Variants in ASTN2 observed in about 807,000 individuals in gnomAD.
ASTN2 encodes the protein astrotactin 2, also known as astrotactin-2.
In ASTN2, 54 loss-of-function variants were observed where a neutral mutation model predicts 139.8. That is an observed-to-expected ratio of 0.39 (90% CI 0.31 to 0.48). The LOEUF (loss-of-function observed/expected upper bound fraction) is 0.48, where lower values mean the gene tolerates loss of function less well. Among genes scored for constraint, ASTN2 ranks in the 20% least tolerant of loss-of-function variants. ASTN2 has a pLI of 0.95. For synonymous variants in ASTN2, 756 were observed against 719.5 expected (o/e 1.05, Z -0.81); for missense variants, 1,565 against 1,725.1 (o/e 0.91, Z 1.64).
At chr9:117,098,177 G>A (rs905576794) in intron 4 of ASTN2, among the ~76,000 whole-genome samples, 2 of 152,160 alleles carry the variant, frequency 1.3e-5, no homozygotes, top group African/African-American at 2.4e-5. Flanking sequence ...ATCATCCTTC[G>A]AGTGTCAAGA....
chr9:117,084,718 CAT>C (rs1253763933), intron 5 of ASTN2, among the ~76,000 whole-genome samples: 1 of 152,166 alleles, frequency 6.6e-6, no homozygotes, highest in Non-Finnish European at 1.5e-5. Flanking sequence ...GGATACACTC[CAT>C]AGGGGCCCAA....
At chr9:116,495,653 G>A (rs1413037216) in intron 19 of ASTN2, among the ~76,000 whole-genome samples, 2 of 152,116 alleles carry the variant, frequency 1.3e-5, no homozygotes, top group African/African-American at 4.8e-5. Flanking sequence ...TTTTATGATT[G>A]CCATTTTATA....
intron 3 of ASTN2, among the ~76,000 whole-genome samples, chr9:117,164,559 CA>C (rs1420574983): frequency 6.6e-6 from 1 of 152,056 alleles, no homozygotes; most frequent in Non-Finnish European, 1.5e-5. Context: ...CCCTGCCCCC[CA>C]ATCCCCTCCA....
intron 1 of ASTN2, among the ~76,000 whole-genome samples, chr9:117,315,016 T>C (rs1250108121): frequency 6.7e-6 from 1 of 148,404 alleles, no homozygotes; most frequent in African/African-American, 2.5e-5. Context: ...TTAATATATA[T>C]AAATATATAA....
At chr9:117,029,294 T>C (rs1026268108) in intron 6 of ASTN2, among the ~76,000 whole-genome samples, 21 of 152,202 alleles carry the variant, frequency 1.4e-4, no homozygotes, top group African/African-American at 5.1e-4. Flanking sequence ...CCAGTGTTAT[T>C]GCAACCATTG....
At chr9:116,530,419 C>T (rs1851294913) in intron 19 of ASTN2, among the ~76,000 whole-genome samples, 1 of 151,548 alleles carries the variant, frequency 6.6e-6, no homozygotes, top group Non-Finnish European at 1.5e-5. Flanking sequence ...ACCTATTGTA[C>T]ATCATGGTGA....
chr9:117,089,920 T>TA (rs1828664226), intron 5 of ASTN2, among the ~76,000 whole-genome samples: 1 of 152,200 alleles, frequency 6.6e-6, no homozygotes, highest in Non-Finnish European at 1.5e-5. Flanking sequence ...TCTTTATCCA[T>TA]TTATTGATTG....
chr9:116,584,451 C>T (rs764720603), intron 19 of ASTN2: 1 of 152,174 alleles, frequency 6.6e-6, no homozygotes, highest in Non-Finnish European at 1.5e-5. Flanking sequence ...CTATAGCCCA[C>T]TACCATCATT....
intron 7 of ASTN2, among the ~76,000 whole-genome samples, chr9:116,978,495 G>GCGCGCACACACACA (rs762311934): frequency 9.4e-5 from 12 of 127,722 alleles, no homozygotes; most frequent in Admixed American, 1.7e-4. Context: ...TCTCTCTCAC[G>GCGCGCACACACACA]CACACACACA....
chr9:117,210,570 T>C (rs1312167826), intron 3 of ASTN2, among the ~76,000 whole-genome samples: 1 of 152,018 alleles, frequency 6.6e-6, no homozygotes, highest in Non-Finnish European at 1.5e-5. Flanking sequence ...ATAAAAAGCC[T>C]TCCAACAAAG....
intron 5 of ASTN2, among the ~76,000 whole-genome samples, chr9:117,090,647 C>T (rs142191130): frequency 1.9e-4 from 29 of 152,252 alleles, no homozygotes; most frequent in African/African-American, 7.0e-4. Flanking sequence ...TTGGGTAAGA[C>T]CCAGCACCTT....
At chr9:116,584,289 G>A (rs1484457288) in intron 19 of ASTN2, 1 of 151,752 alleles carries the variant, frequency 6.6e-6, no homozygotes, top group Non-Finnish European at 1.5e-5. Flanking sequence ...GGAGGACCAT[G>A]GGGGTGAAGA....
chr9:116,802,083 C>CTTTT (rs796156202), intron 13 of ASTN2, among the ~76,000 whole-genome samples: 185 of 121,704 alleles, frequency 1.5e-3, no homozygotes, highest in Non-Finnish European at 2.2e-3. Flanking sequence ...TTCTTTCTTT[C>CTTTT]TTTTTTTTTT....
intron 1 of ASTN2, among the ~76,000 whole-genome samples, chr9:117,343,233 T>G (rs1184409759): frequency 6.6e-6 from 1 of 152,218 alleles, no homozygotes; most frequent in Non-Finnish European, 1.5e-5. Context: ...CCTTTCTGAA[T>G]GTGCCATCAC....
chr9:116,993,872 A>ATTT (rs1431725957), intron 7 of ASTN2, among the ~76,000 whole-genome samples: 10 of 135,686 alleles, frequency 7.4e-5, no homozygotes, highest in African/African-American at 2.5e-4. Flanking sequence ...ATATATATAT[A>ATTT]TATATTTTAA....
intron 4 of ASTN2, among the ~76,000 whole-genome samples, chr9:117,105,141 G>C (rs909091060): frequency 1.3e-5 from 2 of 152,136 alleles, no homozygotes; most frequent in Admixed American, 6.5e-5. Context: ...ATCAAAGGCA[G>C]AGTCTCATTT....
chr9:116,532,199 T>G (rs1243660664), intron 19 of ASTN2, among the ~76,000 whole-genome samples: 5 of 152,242 alleles, frequency 3.3e-5, no homozygotes, highest in Non-Finnish European at 2.9e-5. Flanking sequence ...CTTTGCCCAC[T>G]TGCTGATGGG....
intron 15 of ASTN2, among the ~76,000 whole-genome samples, chr9:116,728,356 A>G (rs561897136): frequency 6.6e-6 from 1 of 152,184 alleles, no homozygotes; most frequent in South Asian, 2.1e-4. Context: ...CGGGGGAGGC[A>G]TCACAGAGTA....
At chr9:117,052,371 C>T (rs35198142) in intron 5 of ASTN2, among the ~76,000 whole-genome samples, 25,986 of 144,224 alleles carry the variant, frequency 0.18, 2,485 homozygotes, top group African/African-American at 0.25. Flanking sequence ...ACCCAGGAGG[C>T]GGAGCTTGCA....
Sources: gnomAD v4.1 joint callset for allele counts (sites outside exome capture counted in the v4.1 genomes callset) on GRCh38, gnomAD v4.1.1 for gene constraint, MANE v1.5 for transcripts, NCBI Gene and HGNC (gene_info 2026-07-23, HGNC 2026-07-21) for gene names.